ELAVL2: variants seen among roughly 807,000 people sequenced by gnomAD.
ELAVL2 encodes ELAV-like protein 2.
In ELAVL2, 4 loss-of-function variants were observed where a neutral mutation model predicts 34.6. The observed-to-expected ratio is 0.12, with a 90% CI of 0.06 to 0.26. The LOEUF (loss-of-function observed/expected upper bound fraction) is 0.26, where lower values mean the gene tolerates loss of function less well. ELAVL2 is among the 10% of genes least tolerant of loss of function. The probability of loss-of-function intolerance (pLI) is 1.00; values close to 1 mark genes in which losing one functional copy is unlikely to be tolerated. For synonymous variants in ELAVL2, 193 were observed against 154.8 expected (o/e 1.25, Z -1.83); for missense variants, 432 against 442.8 (o/e 0.98, Z 0.22).
the ELAVL2 span, among the ~76,000 whole-genome samples, chr9:23,832,653 A>G: frequency 6.6e-6 from 1 of 152,156 alleles, no homozygotes; most frequent in South Asian, 2.1e-4. Context: ...CCACAAGGGC[A>G]TTTACATTTT....
chr9:23,714,478 G>A (rs1469007006), intron 3 of ELAVL2, among the ~76,000 whole-genome samples: 4 of 152,200 alleles, frequency 2.6e-5, no homozygotes, highest in Non-Finnish European at 5.9e-5. Context: ...ACATAAGGAA[G>A]GAGCTGTCTT....
At chr9:23,738,393 A>C (rs1302237347) in intron 2 of ELAVL2, among the ~76,000 whole-genome samples, 2 of 152,194 alleles carry the variant, frequency 1.3e-5, no homozygotes, top group East Asian at 1.9e-4. Context: ...AGGTGGGTCA[A>C]GTTAAACAGG....
chr9:23,842,798 C>T, the ELAVL2 span, among the ~76,000 whole-genome samples: 2 of 152,098 alleles, frequency 1.3e-5, no homozygotes, highest in African/African-American at 4.8e-5. Context: ...GCATTTGATG[C>T]TCAACTGACT....
chr9:23,808,588 A>G (rs755685701), intron 1 of ELAVL2, among the ~76,000 whole-genome samples: 7 of 152,184 alleles, frequency 4.6e-5, no homozygotes, highest in Non-Finnish European at 7.4e-5. Context: ...GGCCAGACAC[A>G]ATAAAATAAT....
intron 1 of ELAVL2, among the ~76,000 whole-genome samples, chr9:23,814,137 C>A (rs1035076730): frequency 1.9e-4 from 29 of 152,138 alleles, no homozygotes; most frequent in Admixed American, 1.6e-3. Flanking sequence ...GCAATCAAAA[C>A]ACCTATAGGC....
At chr9:23,772,127 A>T (rs961191754) in intron 1 of ELAVL2, among the ~76,000 whole-genome samples, 7 of 152,224 alleles carry the variant, frequency 4.6e-5, no homozygotes, top group Non-Finnish European at 1.0e-4. Flanking sequence ...AGTAATCAAC[A>T]CAGAAATTGG....
intron 5 of ELAVL2, among the ~76,000 whole-genome samples, chr9:23,698,973 C>A (rs1238609157): frequency 6.6e-6 from 1 of 152,172 alleles, no homozygotes; most frequent in Non-Finnish European, 1.5e-5. Context: ...AGTTAAAAAT[C>A]TGAAGAGAGA....
chr9:23,843,580 T>G, the ELAVL2 span, among the ~76,000 whole-genome samples: 41 of 152,114 alleles, frequency 2.7e-4, no homozygotes, highest in Non-Finnish European at 5.1e-4. Flanking sequence ...ATTGCTTAAA[T>G]TGATAATCTA....
intron 1 of ELAVL2, among the ~76,000 whole-genome samples, chr9:23,776,827 G>A (rs551242639): frequency 6.0e-5 from 9 of 151,218 alleles, no homozygotes; most frequent in Admixed American, 1.3e-4. Flanking sequence ...GTGTGGACAC[G>A]TATTTGAGAA....
chr9:23,791,891 A>G (rs964323488), intron 1 of ELAVL2, among the ~76,000 whole-genome samples: 5 of 152,202 alleles, frequency 3.3e-5, no homozygotes, highest in Admixed American at 6.5e-5. Flanking sequence ...GCAAACTAAT[A>G]CAACCCCCAC....
intron 3 of ELAVL2, among the ~76,000 whole-genome samples, chr9:23,725,853 C>G (rs897630962): frequency 6.7e-6 from 1 of 148,480 alleles, no homozygotes; most frequent in African/African-American, 2.6e-5. Flanking sequence ...TGCAACTTAG[C>G]AGACCATGAA....
chr9:23,727,755 G>C (rs1003406662), intron 3 of ELAVL2, among the ~76,000 whole-genome samples: 1 of 151,962 alleles, frequency 6.6e-6, no homozygotes, highest in African/African-American at 2.4e-5. Context: ...GAGCCTGAGG[G>C]ACTTCACTTC....
At chr9:23,745,715 G>T (rs556867625) in intron 2 of ELAVL2, among the ~76,000 whole-genome samples, 2 of 152,108 alleles carry the variant, frequency 1.3e-5, no homozygotes, top group Non-Finnish European at 2.9e-5. Flanking sequence ...AACCAAAAGC[G>T]TTAACTGAAG....
chr9:23,774,929 T>A (rs928567580), intron 1 of ELAVL2, among the ~76,000 whole-genome samples: 2 of 152,176 alleles, frequency 1.3e-5, no homozygotes, highest in Non-Finnish European at 2.9e-5. Context: ...AATTAATGGA[T>A]CAGGCAAATG....
At chr9:23,844,457 T>C in the ELAVL2 span, among the ~76,000 whole-genome samples, 1 of 152,046 alleles carries the variant, frequency 6.6e-6, no homozygotes, top group East Asian at 1.9e-4. Flanking sequence ...CAATATCAGA[T>C]TTAATGATAA....
chr9:23,697,847 T>C (rs1272526736), intron 5 of ELAVL2, among the ~76,000 whole-genome samples: 3 of 151,974 alleles, frequency 2.0e-5, no homozygotes, highest in Admixed American at 6.6e-5. Context: ...GAAAATATAC[T>C]CGGAATCCCA....
chr9:23,768,138 C>G (rs1225221691), intron 1 of ELAVL2, among the ~76,000 whole-genome samples: 1 of 152,206 alleles, frequency 6.6e-6, no homozygotes, highest in Non-Finnish European at 1.5e-5. Context: ...TGCTGCCTAT[C>G]AAATGAAGTG....
At chr9:23,725,090 C>G (rs2044738505) in intron 3 of ELAVL2, among the ~76,000 whole-genome samples, 1 of 152,122 alleles carries the variant, frequency 6.6e-6, no homozygotes, top group Non-Finnish European at 1.5e-5. Flanking sequence ...GCCAGAAAAA[C>G]ACTAGGGTGG....
intron 1 of ELAVL2, among the ~76,000 whole-genome samples, chr9:23,775,616 T>G (rs953129657): frequency 6.6e-6 from 1 of 152,072 alleles, no homozygotes; most frequent in Admixed American, 6.6e-5. Context: ...CACTACTATC[T>G]CTTTTAAAGC....
Sources: allele counts gnomAD v4.1 joint callset (sites outside exome capture counted in the v4.1 genomes callset), GRCh38; gene constraint gnomAD v4.1.1; transcripts MANE v1.5; gene names NCBI Gene and HGNC (gene_info 2026-07-23, HGNC 2026-07-21).